Variants in SAMSN1 observed in about 807,000 individuals in gnomAD.
SAMSN1 encodes the protein SAM domain, SH3 domain and nuclear localization signals 1.
In SAMSN1, 31 loss-of-function variants were observed where a neutral mutation model predicts 42.0. The ratio of observed to expected loss-of-function variants is 0.74; its 90% CI spans 0.55 to 1.00. SAMSN1 has a LOEUF of 1.00. Ranked by LOEUF, SAMSN1 falls within the 50% of genes least tolerant of loss-of-function variation. The probability of loss-of-function intolerance (pLI) is 0.00; values close to 1 mark genes in which losing one functional copy is unlikely to be tolerated. For missense variants in SAMSN1, 464 were observed against 439.4 expected (o/e 1.06, Z -0.50); for synonymous variants, 178 against 151.9 (o/e 1.17, Z -1.26).
chr21:14,658,802 C>T (rs928306864), exon 1 of SAMSN1: 96 of 715,182 alleles, frequency 1.3e-4, no homozygotes, highest in Non-Finnish European at 2.3e-4. Flanking sequence ...TGTTGCCCTG[C>T]TTTGAAAAAT....
chr21:14,625,288 C>CCA (rs2123351097), intron 2 of SAMSN1, among the ~76,000 whole-genome samples: 1 of 152,096 alleles, frequency 6.6e-6, no homozygotes, highest in South Asian at 2.1e-4. Context: ...GGCAATCAAG[C>CCA]AGGAGAAAGA....
chr21:14,583,418 C>T (rs1249083702), upstream of SAMSN1: 7 of 466,196 alleles, frequency 1.5e-5, no homozygotes, highest in East Asian at 2.8e-4. Context: ...TGCTCTCTCT[C>T]ACTGTGTCTC....
At chr21:14,619,928 G>C (rs1045534121) in intron 2 of SAMSN1, among the ~76,000 whole-genome samples, 1 of 149,190 alleles carries the variant, frequency 6.7e-6, no homozygotes, top group Non-Finnish European at 1.5e-5. Flanking sequence ...TCTGAGTATA[G>C]AGCAGAATAC....
At chr21:14,510,039 T>A (rs963892821) in intron 5 of SAMSN1, among the ~76,000 whole-genome samples, 22 of 151,164 alleles carry the variant, frequency 1.5e-4, no homozygotes, top group African/African-American at 5.4e-4. Context: ...CTCGGGAGGC[T>A]GAGGCAGGAG....
At chr21:14,493,613 A>ACACACACACACG (rs1555826735) in intron 7 of SAMSN1, among the ~76,000 whole-genome samples, 7 of 151,036 alleles carry the variant, frequency 4.6e-5, no homozygotes, top group South Asian at 2.1e-4. Flanking sequence ...ACACACACAC[A>ACACACACACACG]TATTTTCTGT....
chr21:14,514,722 C>T (rs2123001438), intron 3 of SAMSN1, among the ~76,000 whole-genome samples: 1 of 151,812 alleles, frequency 6.6e-6, no homozygotes, highest in Non-Finnish European at 1.5e-5. Flanking sequence ...TGTCTGCTGC[C>T]ACTGGGAATA....
Position 14,577,282 on chromosome 21 carries a change from A to ATTTTT in SAMSN1, c.261+4853_261+4854insAAAAA, listed in dbSNP as rs1226237508. Among the ~76,000 whole-genome samples, 22 of 50,498 alleles carry ATTTTT rather than the reference A, an allele frequency of 4.4e-4. 2 individuals are homozygous for ATTTTT. The highest frequency in any genetic ancestry group is 5.5e-4 in the Admixed American group (3 of 5,458). 33.1% of individuals were successfully genotyped at this position (50,498 alleles called of 152,430 possible). On this transcript the variant is annotated intron_variant, in intron 2 of 8. Transcript: ENST00000285670. The stretch of plus-strand genomic sequence containing the variant: ...TATATATATATATATATATATATAT[A>ATTTTT]TATTTTTTTTTTAGAAGAGACAGGG...
At chr21:14,504,564 A>G (rs1402327751) in intron 5 of SAMSN1, among the ~76,000 whole-genome samples, 1 of 152,352 alleles carries the variant, frequency 6.6e-6, no homozygotes, top group South Asian at 2.1e-4. Context: ...AAGAAAAAGA[A>G]TAAGAAAATA....
At chr21:14,612,171 G>A (rs566733586) in intron 4 of SAMSN1, among the ~76,000 whole-genome samples, 22 of 152,180 alleles carry the variant, frequency 1.4e-4, no homozygotes, top group African/African-American at 4.8e-4. Context: ...AGGCAGAGGT[G>A]GCAGTGAGCC....
At chr21:14,625,027 C>T (rs945796078) in intron 2 of SAMSN1, among the ~76,000 whole-genome samples, 4 of 152,026 alleles carry the variant, frequency 2.6e-5, no homozygotes, top group Admixed American at 6.6e-5. Context: ...CGACAAAAAC[C>T]ACATGATTAC....
chr21:14,652,451 C>T lies in SAMSN1; in HGVS notation c.24+6297G>A, dbSNP rs147744337. On this transcript the variant is annotated intron_variant, in intron 1 of 15. Coordinates refer to the SAMSN1 transcript ENST00000647101. The stretch of plus-strand genomic sequence containing the variant: ...ACACACACTGGGGAAAAGACAGTCT[C>T]TTCAATAAATAGTGCTGGAAAAACT... Among the ~76,000 whole-genome samples the T allele has an allele frequency of 3.6e-3, 543 of 152,086 alleles. 4 individuals carry two copies. Among genetic ancestry groups the T allele is most frequent in the African/African-American group, 0.012 (518 of 41,510 alleles).
Position 14,577,280 on chromosome 21 carries a change from ATATATT to A in SAMSN1, c.261+4850_261+4855del, listed in dbSNP as rs1482702942. 6.2e-4 allele frequency among the ~76,000 whole-genome samples: 30 copies of A among 48,404 alleles called. 1 individual carries two copies. The highest frequency in any genetic ancestry group is 1.1e-3 in the East Asian group (2 of 1,846). 31.8% of individuals were successfully genotyped at this position (48,404 alleles called of 152,430 possible). Reference sequence around the variant, plus strand: ...TATATATATATATATATATATATATATATATTTTTTTTTTAGAAGAGACAGGGTTTT... The same window carrying A: ...TATATATATATATATATATATATATATTTTTTTTAGAAGAGACAGGGTTTT... On this transcript the variant is annotated intron_variant, in intron 2 of 8. Transcript: ENST00000285670.
chr21:14,602,026 A>G (rs1982447127), exon 6 of SAMSN1: 2 of 689,906 alleles, frequency 2.9e-6, no homozygotes, highest in Non-Finnish European at 5.4e-6. Flanking sequence ...ACATTACCTG[A>G]TAGGAAGTTC....
At chr21:14,494,795 G>GA (rs1986846467) in intron 7 of SAMSN1, among the ~76,000 whole-genome samples, 1 of 152,020 alleles carries the variant, frequency 6.6e-6, no homozygotes, top group Non-Finnish European at 1.5e-5. Flanking sequence ...AAGAGAAAAG[G>GA]AAAAATTCTT....
At position 14,512,573 on chromosome 21, in the gene SAMSN1, C is replaced by G; in HGVS notation, c.280G>C (p.Asp94His). Residue 94 changes from aspartate to histidine, a missense_variant and splice_region_variant, in exon 4 of 8, where the codon GAT becomes CAT. Coordinates refer to ENST00000400566, the MANE Select transcript of SAMSN1 (RefSeq NM_022136.5). ...TGGGCATTCTCTCCATCTTCCTCAT[C>G]CTTCAGAAAACATATCAGAGGTTAG... The part of the protein sequence containing the change: ...KYIKALSEEK[D>H]EEDGENAHPY... 6.2e-7 allele frequency: 1 copy of G among 1,613,726 alleles called. No individual in the cohort carries two copies. Among genetic ancestry groups the G allele is most frequent in the Non-Finnish European group, 8.5e-7 (1 of 1,179,700 alleles).
chr21:14,602,568 T>G (rs558257990), intron 5 of SAMSN1, among the ~76,000 whole-genome samples: 5 of 152,346 alleles, frequency 3.3e-5, no homozygotes, highest in African/African-American at 9.6e-5. Context: ...GTGAAAGCTT[T>G]GCAATGTAGC....
At chr21:14,499,822 T>G (rs995562797) in intron 6 of SAMSN1, among the ~76,000 whole-genome samples, 8 of 152,130 alleles carry the variant, frequency 5.3e-5, no homozygotes, top group African/African-American at 1.9e-4. Context: ...AAAAAACAAT[T>G]AAGAAAAGTG....
intron 1 of SAMSN1, among the ~76,000 whole-genome samples, chr21:14,646,001 C>T (rs117463989): frequency 0.014 from 2,075 of 152,112 alleles, 33 homozygotes; most frequent in Admixed American, 0.022. Context: ...AACAACGTAG[C>T]GCAACTACAG....
chr21:14,607,716 G>A lies in SAMSN1; in HGVS notation c.322+1766C>T, dbSNP rs985626856. Among the ~76,000 whole-genome samples, 10 of 152,226 alleles carry A rather than the reference G, an allele frequency of 6.6e-5. No homozygotes were observed. The East Asian group carries it at 7.7e-4, about 12-fold the overall frequency. On this transcript the variant is annotated intron_variant, in intron 5 of 15. Coordinates refer to the SAMSN1 transcript ENST00000647101. Reference sequence around the variant, plus strand: ...TTCAGTGTAGCTATAATAGAATTCCGTGCCTATTATTCCCAAATTAACAAA... The same window carrying A: ...TTCAGTGTAGCTATAATAGAATTCCATGCCTATTATTCCCAAATTAACAAA...
Sources: allele counts gnomAD v4.1 joint callset (sites outside exome capture counted in the v4.1 genomes callset), GRCh38; gene constraint gnomAD v4.1.1; transcripts MANE v1.5; gene names NCBI Gene and HGNC (gene_info 2026-07-23, HGNC 2026-07-21).